SLC25A46: variants seen among roughly 807,000 people sequenced by gnomAD.
SLC25A46 encodes solute carrier family 25 member 46, also known as mitochondrial outer membrane protein SLC25A46.
A neutral mutation model predicts 44.6 loss-of-function variants in SLC25A46; 39 were observed. The observed-to-expected ratio is 0.87, with a 90% CI of 0.68 to 1.14. SLC25A46 has a LOEUF of 1.14. SLC25A46 is among the 50% of genes most tolerant of loss of function. The pLI is 0.00. For missense variants in SLC25A46, 547 were observed against 522.7 expected (o/e 1.05, Z -0.45); for synonymous variants, 202 against 185.8 (o/e 1.09, Z -0.71).
intron 7 of SLC25A46, among the ~76,000 whole-genome samples, chr5:110,758,018 T>C (rs1010303342): frequency 2.6e-5 from 4 of 152,296 alleles, no homozygotes; most frequent in African/African-American, 7.2e-5. Context: ...CGGCTCACTA[T>C]GTGATAGGGT....
chr5:110,751,584 A>G (rs1397940562), intron 5 of SLC25A46, among the ~76,000 whole-genome samples: 34 of 152,180 alleles, frequency 2.2e-4, no homozygotes, highest in Non-Finnish European at 1.5e-5. Flanking sequence ...CAGTAAGGTC[A>G]GTGACATCAG....
Position 110,739,356 on chromosome 5 carries a change from A to T in SLC25A46, c.237A>T (p.Glu79Asp). Reference sequence around the variant, plus strand: ...CCCCGTACGAAGGCCCCACGGAGGAACCCTTTTCCAGTGGCGGCGGCGGCA... The same window carrying T: ...CCCCGTACGAAGGCCCCACGGAGGATCCCTTTTCCAGTGGCGGCGGCGGCA... ...TSTPYEGPTEEPFSSGGGGSV... is the reference protein window; with the variant it reads ...TSTPYEGPTEDPFSSGGGGSV... Residue 79 changes from glutamate (E) to aspartate (D), a missense_variant, in exon 1 of 8, where the codon GAA becomes GAT. Transcript: ENST00000355943. 1 of 1,561,620 alleles carries T rather than the reference A, an allele frequency of 6.4e-7. No individual in the cohort carries two copies. The highest frequency in any genetic ancestry group is 8.7e-7 in the Non-Finnish European group (1 of 1,155,008).
intron 5 of SLC25A46, among the ~76,000 whole-genome samples, chr5:110,749,120 A>T (rs1275918929): frequency 6.6e-6 from 1 of 152,144 alleles, no homozygotes; most frequent in Non-Finnish European, 1.5e-5. Context: ...TTAGCTTGGT[A>T]ATTGGAGATA....
upstream of SLC25A46, among the ~76,000 whole-genome samples, chr5:110,738,468 G>A (rs28364649): frequency 6.6e-5 from 10 of 152,172 alleles, no homozygotes; most frequent in East Asian, 1.9e-3. Flanking sequence ...CACCCCCGAC[G>A]TGCACTTCAA....
chr5:110,754,396 T>TC (rs1800051703), intron 5 of SLC25A46: 1 of 151,266 alleles, frequency 6.6e-6, no homozygotes, highest in Admixed American at 6.6e-5. Context: ...TCTTTTTTTT[T>TC]CTTTTCTTTT....
At chr5:110,741,217 T>G (rs1470685164) in intron 1 of SLC25A46, among the ~76,000 whole-genome samples, 2 of 152,222 alleles carry the variant, frequency 1.3e-5, no homozygotes, top group African/African-American at 4.8e-5. Flanking sequence ...AGTTCACCAC[T>G]ATGACTTTGA....
intron 3 of SLC25A46, 123 bp downstream of exon 3, chr5:110,743,910 G>A (rs1799750829): frequency 4.3e-6 from 3 of 690,862 alleles, no homozygotes; most frequent in South Asian, 5.8e-5. Context: ...CAAACTTTTT[G>A]GTCTCAAAAC....
intron 3 of SLC25A46, 90 bp downstream of exon 3, chr5:110,743,877 T>G: frequency 7.2e-6 from 7 of 974,154 alleles, no homozygotes; most frequent in Non-Finnish European, 9.1e-6. Flanking sequence ...AACCAGGTAA[T>G]TGTTACTTCA....
chr5:110,761,769 A>C lies in SLC25A46; in HGVS notation c.1244A>C (p.Gln415Pro). The C allele has an allele frequency of 6.2e-7, 1 of 1,608,460 alleles. No homozygotes were observed. The highest frequency in any genetic ancestry group is 1.1e-5 in the South Asian group (1 of 90,698). Residue 415 changes from glutamine to proline, a missense_variant, in exon 8 of 8, where the codon CAA becomes CCA. By Grantham distance (76) the Gln-to-Pro change is moderately conservative. Coordinates refer to ENST00000355943, the MANE Select transcript of SLC25A46 (RefSeq NM_138773.4). The surrounding 1 kb of genome is among the most constrained non-coding windows in gnomAD (Gnocchi z 5.3). ...ITKIIYSTLL[Q>P]NNI ...AAAATTATTTACTCTACACTTCTTCAAAATAACATTTGAGATTTAGGTTCC... is the reference window on the plus strand; with the variant it reads ...AAAATTATTTACTCTACACTTCTTCCAAATAACATTTGAGATTTAGGTTCC...
At chr5:110,755,341 G>A in intron 5 of SLC25A46, 124 bp from the exon 6 acceptor site, 1 of 625,508 alleles carries the variant, frequency 1.6e-6, no homozygotes, top group South Asian at 1.9e-5. Context: ...TTCACCATTA[G>A]AATATATTTC....
chr5:110,756,381 T>C (rs1459498097), intron 6 of SLC25A46, among the ~76,000 whole-genome samples: 1 of 152,082 alleles, frequency 6.6e-6, no homozygotes, highest in Non-Finnish European at 1.5e-5. Flanking sequence ...AGGCAAACTA[T>C]GGAATGGATC....
rs552254255 is a variant in SLC25A46 at position 110,761,836 on chromosome 5, A to C, written c.*54A>C. ...GAAGATATAATCTGGATAATTTGCT[A>C]TGAAGTTATGAGGGATACAAGTGAA... is the stretch of plus-strand genomic sequence containing the variant. On this transcript the variant is annotated 3_prime_UTR_variant, in exon 8 of 8. Transcript: ENST00000355943. This position sits in a 1 kb window ranked among gnomAD's most constrained non-coding sequence, Gnocchi z 5.3. 1 of 1,423,012 alleles carries C rather than the reference A, an allele frequency of 7.0e-7. No individual in the cohort carries two copies. The highest frequency in any genetic ancestry group is 1.4e-5 in the African/African-American group (1 of 70,332). 88.1% of individuals were successfully genotyped at this position (1,423,012 alleles called of 1,614,324 possible). A position where few individuals can be genotyped will look rare whatever the true frequency, so the allele number is the denominator to read the frequency against.
intron 3 of SLC25A46, among the ~76,000 whole-genome samples, chr5:110,744,313 T>C (rs1218401242): frequency 6.6e-6 from 1 of 152,200 alleles, no homozygotes. Flanking sequence ...CAAAACTCAC[T>C]GTGTCGCAGT....
At chr5:110,739,517 C>A in intron 1 of SLC25A46, 115 bp downstream of exon 1, 1 of 1,379,742 alleles carries the variant, frequency 7.2e-7, no homozygotes, top group Non-Finnish European at 9.6e-7. Context: ...CTCATCCTAT[C>A]GCGCGCCACA....
At chr5:110,744,760 G>C (rs1380965704) in intron 3 of SLC25A46, among the ~76,000 whole-genome samples, 2 of 152,146 alleles carry the variant, frequency 1.3e-5, no homozygotes, top group East Asian at 3.8e-4. Context: ...AATAGGTATA[G>C]TCCGTCAATG....
At chr5:110,740,260 TTAA>T (rs1387164549) in intron 1 of SLC25A46, among the ~76,000 whole-genome samples, 2 of 151,934 alleles carry the variant, frequency 1.3e-5, no homozygotes, top group East Asian at 3.9e-4. Context: ...ATTAATGGTA[TTAA>T]TATTAAATTT....
intron 7 of SLC25A46, 191 bp downstream of exon 7, chr5:110,756,950 C>T (rs555527365): frequency 5.0e-6 from 2 of 396,914 alleles, no homozygotes; most frequent in South Asian, 2.1e-4. Flanking sequence ...AGTCACACTT[C>T]TAGTTTTAAT....
At chr5:110,750,698 T>C (rs1364429034) in intron 5 of SLC25A46, among the ~76,000 whole-genome samples, 2 of 152,222 alleles carry the variant, frequency 1.3e-5, no homozygotes, top group Non-Finnish European at 2.9e-5. Context: ...TCAGTACAGA[T>C]GCAACTATCC....
chr5:110,757,433 T>C (rs1047157884), intron 7 of SLC25A46, among the ~76,000 whole-genome samples: 1 of 152,164 alleles, frequency 6.6e-6, no homozygotes, highest in Non-Finnish European at 1.5e-5. Context: ...TTTGTACACC[T>C]GTCTTCTATT....
Sources: gnomAD v4.1 joint callset for allele counts (sites outside exome capture counted in the v4.1 genomes callset) on GRCh38, gnomAD v4.1.1 for gene constraint, Gnocchi (gnomAD v3.1) non-coding constraint, MANE v1.5 for transcripts, NCBI Gene and HGNC (gene_info 2026-07-23, HGNC 2026-07-21) for gene names.